The following AKAP6 variants were observed in gnomAD, a reference collection of about 807,000 sequenced individuals.
AKAP6 encodes the protein A-kinase anchoring protein 6.
In AKAP6, 58 loss-of-function variants were observed where a neutral mutation model predicts 188.5. That is an observed-to-expected ratio of 0.31 (90% CI 0.25 to 0.38). AKAP6 has a LOEUF of 0.38. AKAP6 is among the 10% of genes least tolerant of loss of function. The pLI, the probability that AKAP6 is intolerant of heterozygous loss-of-function variation, is 1.00. For synonymous variants in AKAP6, 989 were observed against 998.6 expected (o/e 0.99, Z 0.18); for missense variants, 2,710 against 2,740.0 (o/e 0.99, Z 0.24).
chr14:32,551,835 AT>A (rs34909452), intron 4 of AKAP6, among the ~76,000 whole-genome samples: 28,547 of 141,500 alleles, frequency 0.2, 5,779 homozygotes, highest in African/African-American at 0.53. Context: ...AATTTTTTGT[AT>A]TTTTTTTTTT....
At chr14:32,826,456 A>G (rs1179265747) in intron 13 of AKAP6, among the ~76,000 whole-genome samples, 2 of 152,184 alleles carry the variant, frequency 1.3e-5, no homozygotes, top group African/African-American at 4.8e-5. Flanking sequence ...AACCGATTGT[A>G]CTGCTGGCTC....
At chr14:32,421,210 G>T (rs1472204397) in intron 1 of AKAP6, among the ~76,000 whole-genome samples, 4 of 151,954 alleles carry the variant, frequency 2.6e-5, no homozygotes, top group African/African-American at 9.7e-5. Context: ...CACTAGGCAG[G>T]TCTTTTAAAT....
chr14:32,730,337 C>T (rs112578777), intron 9 of AKAP6, among the ~76,000 whole-genome samples: 9 of 152,214 alleles, frequency 5.9e-5, no homozygotes, highest in African/African-American at 1.9e-4. Context: ...TGAGAGCACA[C>T]ATAAAGACAA....
At chr14:32,331,655 A>G (rs923495019) in intron 1 of AKAP6, among the ~76,000 whole-genome samples, 5 of 151,964 alleles carry the variant, frequency 3.3e-5, no homozygotes, top group Non-Finnish European at 5.9e-5. Context: ...AGGCTATTTC[A>G]GTTGTCTTAG....
At position 32,722,223 on chromosome 14, in the gene AKAP6, C is replaced by CT. The variant is rs768761570; in HGVS notation, c.3001-10223dup. Among the ~76,000 whole-genome samples, 251 of 152,004 alleles carry CT rather than the reference C, an allele frequency of 1.7e-3. 3 individuals carry two copies. The highest frequency in any genetic ancestry group is 3.3e-3 in the Admixed American group (50 of 15,248). On this transcript the variant is annotated intron_variant, in intron 9 of 13. Transcript: ENST00000280979. ...TTGAATCTTCTCCCTTACTGAAGTG[C>CT]TTTTTTTTGGAACATTTAATACATT... is the stretch of plus-strand genomic sequence containing the variant.
intron 2 of AKAP6, among the ~76,000 whole-genome samples, chr14:32,436,898 C>G (rs1183213624): frequency 6.6e-6 from 1 of 152,264 alleles, no homozygotes; most frequent in East Asian, 1.9e-4. Flanking sequence ...TGCACTACAT[C>G]CTGGGTGACA....
At chr14:32,523,791 T>TAA (rs55994452) in intron 2 of AKAP6, among the ~76,000 whole-genome samples, 1,183 of 107,092 alleles carry the variant, frequency 0.011, 16 homozygotes, top group Non-Finnish European at 0.014. Context: ...TCCTCCTGAT[T>TAA]AAAAAAAAAA....
intron 4 of AKAP6, among the ~76,000 whole-genome samples, chr14:32,549,789 C>T (rs1355478499): frequency 2.6e-5 from 4 of 152,222 alleles, no homozygotes. Context: ...CTAGTAAGTA[C>T]AAAGCCAGGA....
intron 11 of AKAP6, among the ~76,000 whole-genome samples, chr14:32,736,123 A>G (rs1016364909): frequency 6.6e-6 from 1 of 152,160 alleles, no homozygotes; most frequent in South Asian, 2.1e-4. Flanking sequence ...GTTTTTTGCA[A>G]TGCTTGTTGA....
At chr14:32,714,008 T>C (rs1281081485) in intron 9 of AKAP6, among the ~76,000 whole-genome samples, 1 of 152,036 alleles carries the variant, frequency 6.6e-6, no homozygotes, top group African/African-American at 2.4e-5. Context: ...AGAGTGACTC[T>C]TTCTTTCACT....
chr14:32,425,875 G>T (rs1379823243), intron 1 of AKAP6, among the ~76,000 whole-genome samples: 1 of 152,088 alleles, frequency 6.6e-6, no homozygotes, highest in East Asian at 1.9e-4. Flanking sequence ...GTCAATTTTT[G>T]CTATTGTTGC....
chr14:32,364,565 C>T (rs529237282), intron 1 of AKAP6, among the ~76,000 whole-genome samples: 1 of 152,210 alleles, frequency 6.6e-6, no homozygotes, highest in South Asian at 2.1e-4. Flanking sequence ...ATCTTTCACA[C>T]TGGAGGTATT....
intron 1 of AKAP6, among the ~76,000 whole-genome samples, chr14:32,377,973 G>A (rs901530207): frequency 6.6e-6 from 1 of 152,032 alleles, no homozygotes; most frequent in African/African-American, 2.4e-5. Context: ...CAGTAGACAT[G>A]GTGAATACTT....
intron 1 of AKAP6, among the ~76,000 whole-genome samples, chr14:32,418,234 G>T (rs1387551693): frequency 6.6e-6 from 1 of 152,146 alleles, no homozygotes; most frequent in African/African-American, 2.4e-5. Flanking sequence ...CAAAGAGAAA[G>T]AATGAAAAAT....
Position 32,773,710 on chromosome 14 carries a change from A to G in AKAP6, c.3405A>G (p.Arg1135=), listed in dbSNP as rs1240785545. The G allele has an allele frequency of 1.2e-6, 2 of 1,614,012 alleles. No individual in the cohort carries two copies. The highest frequency in any genetic ancestry group is 1.7e-6 in the Non-Finnish European group (2 of 1,179,978). ...SLCREIKQRR[R]GVASILRLCQ... is the part of the protein sequence containing the mutation. ...GTCGTGAAATCAAGCAACGACGTCG[A>G]GGAGTTGCCTCCATTCTGCGACTAT... Residue 1135 remains arginine, a synonymous_variant, in exon 12 of 14, where the codon CGA becomes CGG. Coordinates refer to ENST00000280979, the MANE Select transcript of AKAP6 (RefSeq NM_004274.5).
intron 1 of AKAP6, among the ~76,000 whole-genome samples, chr14:32,398,538 A>C (rs929465457): frequency 2.6e-5 from 4 of 152,154 alleles, no homozygotes; most frequent in African/African-American, 9.7e-5. Flanking sequence ...GGTTTGATAC[A>C]TTCCTGTCCT....
At chr14:32,350,899 A>G (rs929574597) in intron 1 of AKAP6, among the ~76,000 whole-genome samples, 2 of 152,182 alleles carry the variant, frequency 1.3e-5, no homozygotes, top group Non-Finnish European at 2.9e-5. Flanking sequence ...CCCCATTCTA[A>G]TAGCACAGGT....
intron 7 of AKAP6, among the ~76,000 whole-genome samples, chr14:32,660,230 G>T (rs1410201677): frequency 6.6e-6 from 1 of 152,116 alleles, no homozygotes; most frequent in African/African-American, 2.4e-5. Context: ...CAACCAGTTG[G>T]AGGAATGTGA....
intron 12 of AKAP6, among the ~76,000 whole-genome samples, chr14:32,789,022 A>G (rs979431400): frequency 1.3e-5 from 2 of 152,220 alleles, no homozygotes; most frequent in African/African-American, 4.8e-5. Context: ...AGACTCAGCC[A>G]TTCCAGCCTG....
Sources: gnomAD v4.1 joint callset for allele counts (sites outside exome capture counted in the v4.1 genomes callset) on GRCh38, gnomAD v4.1.1 for gene constraint, MANE v1.5 for transcripts, NCBI Gene and HGNC (gene_info 2026-07-23, HGNC 2026-07-21) for gene names.